SCAMP1: variants seen among roughly 807,000 people sequenced by gnomAD.
SCAMP1 encodes secretory carrier-associated membrane protein 1.
SCAMP1 carries 15 observed loss-of-function variants against 41.8 expected under a neutral mutation model. The ratio of observed to expected loss-of-function variants is 0.36; its 90% confidence interval spans 0.24 to 0.55. SCAMP1 has a LOEUF of 0.55. Among genes scored for constraint, SCAMP1 ranks in the 20% least tolerant of loss-of-function variants. The pLI, the probability that SCAMP1 is intolerant of heterozygous loss-of-function variation, is 0.86. For synonymous variants in SCAMP1, 135 were observed against 136.8 expected, an observed-to-expected ratio of 0.99 and a Z score of 0.09; for missense variants, 341 against 412.6, an observed-to-expected ratio of 0.83 and a Z score of 1.50.
intron 2 of SCAMP1, among the ~76,000 whole-genome samples, chr5:78,399,244 A>G (rs1025934707): frequency 6.6e-6 from 1 of 152,206 alleles, no homozygotes; most frequent in Non-Finnish European, 1.5e-5. Context: ...ATTACTACCA[A>G]ATTTTGGCAG....
rs538435980 is a variant in SCAMP1 at position 78,426,866 on chromosome 5, T to A, written c.632+4906T>A. On this transcript the variant is annotated intron_variant, in intron 6 of 8. Transcript: ENST00000621999. ...TTTACTTAGAATAACGTTTTTGAGG[T>A]TTATTCGGGCTGCAGAATGTGTTAG... Among the ~76,000 whole-genome samples, 40 of 152,318 alleles carry A rather than the reference T, an allele frequency of 2.6e-4. 1 individual carries two copies. In the South Asian group the frequency reaches 8.1e-3, roughly 31 times the overall value.
chr5:78,422,664 G>T (rs1007462545), intron 6 of SCAMP1, among the ~76,000 whole-genome samples: 32 of 152,224 alleles, frequency 2.1e-4, no homozygotes, highest in South Asian at 2.1e-3. Flanking sequence ...CACTCTTTAA[G>T]TACCTAGTAT....
At chr5:78,360,788 C>A in intron 1 of SCAMP1, 60 bp downstream of exon 1, 1 of 1,493,190 alleles carries the variant, frequency 6.7e-7, no homozygotes, top group Non-Finnish European at 9.1e-7. Context: ...TGAAAACGGA[C>A]GAGTTCCTTC....
intron 2 of SCAMP1, among the ~76,000 whole-genome samples, chr5:78,403,769 C>T (rs1472016449): frequency 6.6e-6 from 1 of 151,310 alleles, no homozygotes; most frequent in Non-Finnish European, 1.5e-5. Flanking sequence ...AGTTTGATAC[C>T]AGCCTGGCCA....
chr5:78,471,118 G>A (rs1753874031), intron 8 of SCAMP1, among the ~76,000 whole-genome samples: 1 of 152,190 alleles, frequency 6.6e-6, no homozygotes, highest in Non-Finnish European at 1.5e-5. Flanking sequence ...CCTTAGGCAA[G>A]TAAAAGCATG....
intron 8 of SCAMP1, among the ~76,000 whole-genome samples, chr5:78,465,768 TGAGGTCAGTCTGATATCAA>T (rs1356918367): frequency 1.9e-4 from 29 of 152,290 alleles, no homozygotes; most frequent in African/African-American, 6.7e-4. Context: ...AATTGGCTGG[TGAGGTCAGTCTGATATCAA>T]GAGGGCAGGC....
At chr5:78,464,039 G>A (rs1397781932) in intron 8 of SCAMP1, among the ~76,000 whole-genome samples, 1 of 152,134 alleles carries the variant, frequency 6.6e-6, no homozygotes, top group South Asian at 2.1e-4. Flanking sequence ...GTGCAGTGGC[G>A]CGATCTTGGC....
intron 8 of SCAMP1, among the ~76,000 whole-genome samples, chr5:78,464,891 C>T (rs1339493817): frequency 6.6e-6 from 1 of 152,182 alleles, no homozygotes; most frequent in Non-Finnish European, 1.5e-5. Context: ...GGTGACGTCT[C>T]ACAGCTCCAT....
chr5:78,420,617 A>G (rs954414301), intron 5 of SCAMP1, among the ~76,000 whole-genome samples: 2 of 152,148 alleles, frequency 1.3e-5, no homozygotes, highest in Non-Finnish European at 2.9e-5. Flanking sequence ...CTGCATTTCT[A>G]TGGCTGAAAA....
intron 6 of SCAMP1, among the ~76,000 whole-genome samples, chr5:78,429,048 G>T (rs936510990): frequency 1.9e-4 from 29 of 152,068 alleles, no homozygotes; most frequent in African/African-American, 7.0e-4. Context: ...GATTCCTTGG[G>T]ATTCCATATA....
intron 2 of SCAMP1, among the ~76,000 whole-genome samples, chr5:78,406,893 C>T (rs1364500285): frequency 6.6e-6 from 1 of 152,158 alleles, no homozygotes; most frequent in African/African-American, 2.4e-5. Context: ...CTCTCATTCT[C>T]TTCCAGGTCT....
chr5:78,364,694 T>G (rs973209454), intron 1 of SCAMP1, among the ~76,000 whole-genome samples: 1 of 152,146 alleles, frequency 6.6e-6, no homozygotes, highest in African/African-American at 2.4e-5. Flanking sequence ...TTAAAAAATT[T>G]TGGCTCAAGA....
chr5:78,422,487 T>A (rs1450517540), intron 6 of SCAMP1, among the ~76,000 whole-genome samples: 2 of 152,222 alleles, frequency 1.3e-5, no homozygotes, highest in Non-Finnish European at 2.9e-5. Flanking sequence ...AGTATAATGC[T>A]TTACATAGTA....
rs564862588 is a variant in SCAMP1 at position 78,396,765 on chromosome 5, G to A, written c.135+7851G>A. Among the ~76,000 whole-genome samples, 40 of 152,314 alleles carry A rather than the reference G, an allele frequency of 2.6e-4. No individual in the cohort carries two copies. In the South Asian group the frequency reaches 8.1e-3, roughly 31 times the overall value. On this transcript the variant is annotated intron_variant, in intron 2 of 8. Transcript: ENST00000621999. ...GGAGACTGAGAAGAAACAACTTAGT[G>A]TTCTGAAAGCCAAGTGAAGAAAGTG... is the stretch of plus-strand genomic sequence containing the variant.
chr5:78,369,808 A>G (rs1474781095), intron 1 of SCAMP1, among the ~76,000 whole-genome samples: 1 of 152,224 alleles, frequency 6.6e-6, no homozygotes, highest in Non-Finnish European at 1.5e-5. Flanking sequence ...GAGACCAGCT[A>G]TGCTCTGAGC....
At chr5:78,467,067 TTTAAA>T (rs1248541054) in intron 8 of SCAMP1, among the ~76,000 whole-genome samples, 1 of 151,966 alleles carries the variant, frequency 6.6e-6, no homozygotes, top group African/African-American at 2.4e-5. Context: ...ATTTGGGGAG[TTTAAA>T]TTAACTGGTG....
At chr5:78,425,044 G>A (rs887830539) in intron 6 of SCAMP1, among the ~76,000 whole-genome samples, 16 of 152,160 alleles carry the variant, frequency 1.1e-4, no homozygotes, top group Non-Finnish European at 1.5e-5. Context: ...TGCAAGTTTT[G>A]CATTATAGAT....
At chr5:78,361,796 T>C (rs1180576820) in intron 1 of SCAMP1, among the ~76,000 whole-genome samples, 1 of 152,260 alleles carries the variant, frequency 6.6e-6, no homozygotes, top group African/African-American at 2.4e-5. Flanking sequence ...CTCTAATTTG[T>C]GGTCACACAA....
At chr5:78,461,559 C>A (rs569686246) in intron 8 of SCAMP1, among the ~76,000 whole-genome samples, 1 of 152,030 alleles carries the variant, frequency 6.6e-6, no homozygotes, top group South Asian at 2.1e-4. Context: ...TGCTTGCTTA[C>A]CATAGTCTTT....
Sources: allele counts gnomAD v4.1 joint callset (sites outside exome capture counted in the v4.1 genomes callset), GRCh38; gene constraint gnomAD v4.1.1; transcripts MANE v1.5; gene names NCBI Gene and HGNC (gene_info 2026-07-23, HGNC 2026-07-21).